Variants in TCF15 observed in about 807,000 individuals in gnomAD.
The protein encoded by TCF15 is transcription factor 15.
TCF15 carries 7 observed loss-of-function variants against 11.1 expected under a neutral mutation model. The observed-to-expected ratio is 0.63, with a 90% CI of 0.36 to 1.19. The LOEUF (loss-of-function observed/expected upper bound fraction) is 1.19, where lower values mean the gene tolerates loss of function less well. Among genes scored for constraint, TCF15 ranks in the 50% most tolerant of loss-of-function variants. TCF15 has a pLI of 0.02. For synonymous variants in TCF15, 144 were observed against 138.9 expected, an observed-to-expected ratio of 1.04 and a Z score of -0.26; for missense variants, 288 against 289.4, an observed-to-expected ratio of 1.00 and a Z score of 0.03.
rs953336595 is a variant in TCF15 at position 609,055 on chromosome 20, G to C, written c.525+658C>G. On this transcript the variant is annotated intron_variant, in intron 1 of 1. Coordinates refer to ENST00000246080, the MANE Select transcript of TCF15 (RefSeq NM_004609.4). This position sits in a 1 kb window ranked among gnomAD's most constrained non-coding sequence, Gnocchi z 4.7. ...CAACACCACGTCCTTTTGGGGGCTG[G>C]GGACTCTCAGAGGGCCCCTTCTTCA... 6.6e-6 allele frequency among the ~76,000 whole-genome samples: 1 copy of C among 152,026 alleles called. No individual in the cohort carries two copies. The highest frequency in any genetic ancestry group is 1.5e-5 in the Non-Finnish European group (1 of 68,002).
rs981670462 is a variant in TCF15, at chr20:609,263, G to T, written c.525+450C>A. ...CGGCTTCCCAGCTGAGTAAATGTGG[G>T]CAGGTGATCCCATCTCTGATGCTCA... On this transcript the variant is annotated intron_variant, in intron 1 of 1. Coordinates refer to ENST00000246080, the MANE Select transcript of TCF15 (RefSeq NM_004609.4). The surrounding 1 kb of genome is among the most constrained non-coding windows in gnomAD (Gnocchi z 4.7). 6.6e-6 allele frequency among the ~76,000 whole-genome samples: 1 copy of T among 152,210 alleles called. No individual in the cohort carries two copies. Among genetic ancestry groups the T allele is most frequent in the African/African-American group, 2.4e-5 (1 of 41,452 alleles).
At position 609,791 on chromosome 20, in the gene TCF15, G is replaced by T; in HGVS notation, c.447C>A (p.Gly149=). The T allele has an allele frequency of 6.9e-7, 1 of 1,446,580 alleles. No individual in the cohort carries two copies. The highest frequency in any genetic ancestry group is 9.0e-7 in the Non-Finnish European group (1 of 1,112,226). The allele number at this position is 1,446,580 out of a possible 1,614,324, so 89.6% of individuals were successfully genotyped here. ...PCFRAAGSAK[G]AVPAAADGGR... ...CGCCGTCGGCGGCGGCGGGGACGGC[G>T]CCCTTGGCACTGCCCGCGGCACGGA... Residue 149 remains glycine, a synonymous_variant, in exon 1 of 2, where the codon GGC becomes GGA. Coordinates refer to ENST00000246080, the MANE Select transcript of TCF15 (RefSeq NM_004609.4). This position sits in a 1 kb window ranked among gnomAD's most constrained non-coding sequence, Gnocchi z 4.7.
chr20:608,382 G>C (rs1286136326), intron 1 of TCF15, among the ~76,000 whole-genome samples: 1 of 152,240 alleles, frequency 6.6e-6, no homozygotes. Context: ...AAGGCAGTCA[G>C]GGAGTATCCC....
rs1316291016 is a variant in TCF15, at chr20:604,925, G to A, written c.526-260C>T. On this transcript the variant is annotated intron_variant, in intron 1 of 1. Transcript: ENST00000246080. This position sits in a 1 kb window ranked among gnomAD's most constrained non-coding sequence, Gnocchi z 4.2. ...GATTGCTGGGGAGAAGCACACACGGGAAATTGTGAGTGGGTTTCTTCAGAG... is the reference window on the plus strand; with the variant it reads ...GATTGCTGGGGAGAAGCACACACGGAAAATTGTGAGTGGGTTTCTTCAGAG... 6.6e-6 allele frequency among the ~76,000 whole-genome samples: 1 copy of A among 152,226 alleles called. No individual in the cohort carries two copies. Among genetic ancestry groups the A allele is most frequent in the Non-Finnish European group, 1.5e-5 (1 of 68,036 alleles).
chr20:610,226 C>T lies in TCF15; in HGVS notation c.12G>A (p.Ala4=). The change falls in exon 1 of 2, where the codon GCG becomes GCA. Residue 4 remains alanine (A), a synonymous_variant. Coordinates refer to ENST00000246080, the MANE Select transcript of TCF15 (RefSeq NM_004609.4). MAF[A]LLRPVGAHVL... ...CGTGCGCGCCGACGGGCCGCAGCAG[C>T]GCGAACGCCATGGGCGCCGGCCGCG... The T allele has an allele frequency of 9.9e-7, 1 of 1,011,682 alleles. No homozygotes were observed. Among genetic ancestry groups the T allele is most frequent in the Non-Finnish European group, 1.2e-6 (1 of 846,640 alleles). The allele number at this position is 1,011,682 out of a possible 1,614,324, so 62.7% of individuals were successfully genotyped here.
At chr20:606,902 A>G (rs2019980536) in intron 1 of TCF15, among the ~76,000 whole-genome samples, 1 of 151,592 alleles carries the variant, frequency 6.6e-6, no homozygotes, top group Non-Finnish European at 1.5e-5. Context: ...GGGAAGCACC[A>G]TGGTTAGGAG....
Position 604,750 on chromosome 20 carries a change from T to A in TCF15, c.526-85A>T. On this transcript the variant is annotated intron_variant, in intron 1 of 1. Transcript: ENST00000246080. This position sits in a 1 kb window ranked among gnomAD's most constrained non-coding sequence, Gnocchi z 4.2. Reference sequence around the variant, plus strand: ...TAACCTCTGTATCCCTCAAGAGGGATCCTGATCAATAAATCACAGTTCAGC... The same window carrying A: ...TAACCTCTGTATCCCTCAAGAGGGAACCTGATCAATAAATCACAGTTCAGC... 2.8e-6 allele frequency: 3 copies of A among 1,067,184 alleles called. No individual in the cohort carries two copies. Among genetic ancestry groups the A allele is most frequent in the Non-Finnish European group, 4.0e-6 (3 of 747,268 alleles). The allele number at this position is 1,067,184 out of a possible 1,614,324, so 66.1% of individuals were successfully genotyped here. A position where few individuals can be genotyped will look rare whatever the true frequency, so the allele number is the denominator to read the frequency against.
chr20:604,412 T>TCA lies in TCF15; in HGVS notation c.*178_*179insTG. ...ACCAGCCAGAGCTGGGCAGGCTGAA[T>TCA]GGATCCTCACAGCTCTCCAGGATCG... On this transcript the variant is annotated 3_prime_UTR_variant, in exon 2 of 2. Transcript: ENST00000246080. This position sits in a 1 kb window ranked among gnomAD's most constrained non-coding sequence, Gnocchi z 4.2. 1 of 640,756 alleles carries TCA rather than the reference T, an allele frequency of 1.6e-6. No individual in the cohort carries two copies. Among genetic ancestry groups the TCA allele is most frequent in the Non-Finnish European group, 2.8e-6 (1 of 358,732 alleles). 39.7% of individuals were successfully genotyped at this position (640,756 alleles called of 1,614,324 possible). A position where few individuals can be genotyped will look rare whatever the true frequency, so the allele number is the denominator to read the frequency against.
intron 1 of TCF15, among the ~76,000 whole-genome samples, chr20:608,947 C>A (rs2019999301): frequency 1.3e-5 from 2 of 152,204 alleles, no homozygotes. Context: ...CCACCCCTAC[C>A]AGCCTGATCC....
At chr20:605,245 CATA>C (rs1184479619) in intron 1 of TCF15, among the ~76,000 whole-genome samples, 43 of 152,188 alleles carry the variant, frequency 2.8e-4, no homozygotes, top group Admixed American at 9.8e-4. Flanking sequence ...TATTTTAAAG[CATA>C]ATATTTTACA....
At chr20:607,981 G>A (rs1052958860) in intron 1 of TCF15, among the ~76,000 whole-genome samples, 1 of 152,168 alleles carries the variant, frequency 6.6e-6, no homozygotes, top group Non-Finnish European at 1.5e-5. Context: ...CTCCCCCTCT[G>A]CACTCCTGCC....
At chr20:605,054 A>C (rs1482456763) in intron 1 of TCF15, among the ~76,000 whole-genome samples, 1 of 152,082 alleles carries the variant, frequency 6.6e-6, no homozygotes, top group African/African-American at 2.4e-5. Flanking sequence ...GCAGTGGCAC[A>C]ATCTCAGCTC....
At position 610,142 on chromosome 20, in the gene TCF15, G is replaced by C. The variant is rs1328476494; in HGVS notation, c.96C>G (p.Asp32Glu). 1 of 1,032,900 alleles carries C rather than the reference G, an allele frequency of 9.7e-7. No individual in the cohort carries two copies. The highest frequency in any genetic ancestry group is 1.2e-6 in the Non-Finnish European group (1 of 855,420). 64.0% of individuals were successfully genotyped at this position (1,032,900 alleles called of 1,614,324 possible). A position where few individuals can be genotyped will look rare whatever the true frequency, so the allele number is the denominator to read the frequency against. Residue 32 changes from aspartate (D) to glutamate (E), a missense_variant, in exon 1 of 2, where the codon GAC becomes GAG. Transcript: ENST00000246080. ...AGCAGCCGAACGACTGGTCCGACGCGTCGCTCTCGCTGCGGTTCTCCTCGT... is the reference window on the plus strand; with the variant it reads ...AGCAGCCGAACGACTGGTCCGACGCCTCGCTCTCGCTGCGGTTCTCCTCGT... The part of the protein sequence containing the change: ...SEDEENRSES[D>E]ASDQSFGCCE...
At position 609,628 on chromosome 20, in the gene TCF15, C is replaced by G; in HGVS notation, c.525+85G>C. 1 of 1,301,712 alleles carries G rather than the reference C, an allele frequency of 7.7e-7. No individual in the cohort carries two copies. The highest frequency in any genetic ancestry group is 2.4e-5 in the South Asian group (1 of 42,508). The allele number at this position is 1,301,712 out of a possible 1,614,324, so 80.6% of individuals were successfully genotyped here. Reference sequence around the variant, plus strand: ...GCTTCCCCCTGGCCTCGTTGGGGACCCCTGCACCTCTCCGGTTCCCGCAGA... The same window carrying G: ...GCTTCCCCCTGGCCTCGTTGGGGACGCCTGCACCTCTCCGGTTCCCGCAGA... On this transcript the variant is annotated intron_variant, in intron 1 of 1. Transcript: ENST00000246080. This position sits in a 1 kb window ranked among gnomAD's most constrained non-coding sequence, Gnocchi z 4.7.
In TCF15 at chr20:604,586, C is replaced by T; in HGVS notation, c.*5G>A. 6.4e-7 allele frequency: 1 copy of T among 1,552,284 alleles called. No homozygotes were observed. Among genetic ancestry groups the T allele is most frequent in the East Asian group, 2.4e-5 (1 of 40,950 alleles). ...GCTCCTGGCCTCCTTCTCCAGGGTC[C>T]AGGCTCATCTCCGTGGCCCTCGAAG... On this transcript the variant is annotated 3_prime_UTR_variant, in exon 2 of 2. Transcript: ENST00000246080. The surrounding 1 kb of genome is among the most constrained non-coding windows in gnomAD (Gnocchi z 4.2).
Position 604,547 on chromosome 20 carries a change from C to G in TCF15, c.*44G>C. 6.6e-7 allele frequency: 1 copy of G among 1,525,898 alleles called. No homozygotes were observed. The highest frequency in any genetic ancestry group is 8.9e-7 in the Non-Finnish European group (1 of 1,123,954). The allele number at this position is 1,525,898 out of a possible 1,614,324, so 94.5% of individuals were successfully genotyped here. On this transcript the variant is annotated 3_prime_UTR_variant, in exon 2 of 2. Coordinates refer to ENST00000246080, the MANE Select transcript of TCF15 (RefSeq NM_004609.4). This position sits in a 1 kb window ranked among gnomAD's most constrained non-coding sequence, Gnocchi z 4.2. ...TGGCTCCTGGGGTCTTCTTCCCTGTCCAGCCAGTGGCTGGCTCCTGGCCTC... is the reference window on the plus strand; with the variant it reads ...TGGCTCCTGGGGTCTTCTTCCCTGTGCAGCCAGTGGCTGGCTCCTGGCCTC...
chr20:604,427 C>A lies in TCF15; in HGVS notation c.*164G>T, dbSNP rs963213077. 1.6e-5 allele frequency: 11 copies of A among 678,458 alleles called. No individual in the cohort carries two copies. The highest frequency in any genetic ancestry group is 1.1e-4 in the East Asian group (4 of 36,860). The allele number at this position is 678,458 out of a possible 1,614,324, so 42.0% of individuals were successfully genotyped here. A position where few individuals can be genotyped will look rare whatever the true frequency, so the allele number is the denominator to read the frequency against. On this transcript the variant is annotated 3_prime_UTR_variant, in exon 2 of 2. Coordinates refer to ENST00000246080, the MANE Select transcript of TCF15 (RefSeq NM_004609.4). This position sits in a 1 kb window ranked among gnomAD's most constrained non-coding sequence, Gnocchi z 4.2. Reference sequence around the variant, plus strand: ...GCAGGCTGAATGGATCCTCACAGCTCTCCAGGATCGGGTGGAGATGTCCCG... The same window carrying A: ...GCAGGCTGAATGGATCCTCACAGCTATCCAGGATCGGGTGGAGATGTCCCG...
chr20:604,713 G>T lies in TCF15; in HGVS notation c.526-48C>A. 5.1e-6 allele frequency: 7 copies of T among 1,379,616 alleles called. No homozygotes were observed. The highest frequency in any genetic ancestry group is 5.9e-6 in the Non-Finnish European group (6 of 1,014,532). The allele number at this position is 1,379,616 out of a possible 1,614,324, so 85.5% of individuals were successfully genotyped here. A position where few individuals can be genotyped will look rare whatever the true frequency, so the allele number is the denominator to read the frequency against. On this transcript the variant is annotated intron_variant, in intron 1 of 1. Coordinates refer to ENST00000246080, the MANE Select transcript of TCF15 (RefSeq NM_004609.4). The surrounding 1 kb of genome is among the most constrained non-coding windows in gnomAD (Gnocchi z 4.2). ...TAAAGAGGTTCGATTAGGCCAGTGT[G>T]AACACTGGAACTAACCTCTGTATCC...
Position 610,085 on chromosome 20 carries a change from C to A in TCF15, c.153G>T (p.Pro51=). The A allele has an allele frequency of 1.0e-6, 1 of 983,266 alleles. No homozygotes were observed. The highest frequency in any genetic ancestry group is 1.2e-6 in the Non-Finnish European group (1 of 829,850). 60.9% of individuals were successfully genotyped at this position (983,266 alleles called of 1,614,324 possible). A position where few individuals can be genotyped will look rare whatever the true frequency, so the allele number is the denominator to read the frequency against. ...CCGCCCGCCGCCCGCCCCCGGGGCCCGGGCCGCGCCGCGCCGCCTCCGGGC... is the reference window on the plus strand; with the variant it reads ...CCGCCCGCCGCCCGCCCCCGGGGCCAGGGCCGCGCCGCGCCGCCTCCGGGC... ...CEGPEAARRG[P]GPGGGRRAGG... is the part of the protein sequence containing the mutation. Residue 51 remains proline (P), a synonymous_variant, in exon 1 of 2, where the codon CCG becomes CCT. Transcript: ENST00000246080.
Sources: allele counts gnomAD v4.1 joint callset (sites outside exome capture counted in the v4.1 genomes callset), GRCh38; gene constraint gnomAD v4.1.1; non-coding constraint Gnocchi (gnomAD v3.1); transcripts MANE v1.5; gene names NCBI Gene and HGNC (gene_info 2026-07-23, HGNC 2026-07-21).